Variants in KCNH8 observed in about 807,000 individuals in gnomAD.
The protein encoded by KCNH8 is voltage-gated delayed rectifier potassium channel KCNH8.
A neutral mutation model predicts 103.6 loss-of-function variants in KCNH8; 70 were observed. That is an observed-to-expected ratio of 0.68 (90% CI 0.56 to 0.82). The LOEUF is 0.82. Ranked by LOEUF, KCNH8 falls within the 40% of genes least tolerant of loss-of-function variation. The pLI is 0.00. For synonymous variants in KCNH8, 498 were observed against 489.4 expected, an observed-to-expected ratio of 1.02 and a Z score of -0.23; for missense variants, 1,217 against 1,329.9, an observed-to-expected ratio of 0.92 and a Z score of 1.32.
At chr3:19,523,107 C>G (rs1441030759) in intron 15 of KCNH8, among the ~76,000 whole-genome samples, 1 of 151,722 alleles carries the variant, frequency 6.6e-6, no homozygotes, top group Non-Finnish European at 1.5e-5. Context: ...GAAGACCATT[C>G]GTATCAACTT....
chr3:19,236,288 G>A (rs1014627758), intron 1 of KCNH8, among the ~76,000 whole-genome samples: 2 of 152,190 alleles, frequency 1.3e-5, no homozygotes, highest in Non-Finnish European at 2.9e-5. Flanking sequence ...CCGTGTGGGG[G>A]TGGGTACATG....
intron 5 of KCNH8, among the ~76,000 whole-genome samples, chr3:19,373,268 G>C (rs1421584909): frequency 1.3e-5 from 2 of 152,048 alleles, no homozygotes. Flanking sequence ...GTAAGCTATT[G>C]ATTATTGCCA....
At position 19,281,346 on chromosome 3, in the gene KCNH8, G is replaced by A. The variant is rs2064755064; in HGVS notation, c.442+17G>A. On this transcript the variant is annotated intron_variant, in intron 3 of 15. Coordinates refer to ENST00000328405, the MANE Select transcript of KCNH8 (RefSeq NM_144633.3). ...AAAAAGAAGGTTTGTACCGTTTTCA[G>A]AAAACATTGACAGATGGAGTAACAT... 3.2e-6 allele frequency: 5 copies of A among 1,574,212 alleles called. No homozygotes were observed. The highest frequency in any genetic ancestry group is 4.3e-6 in the Non-Finnish European group (5 of 1,165,482).
chr3:19,381,648 C>T (rs916918425), intron 5 of KCNH8, among the ~76,000 whole-genome samples: 3 of 150,982 alleles, frequency 2.0e-5, no homozygotes, highest in African/African-American at 7.3e-5. Flanking sequence ...TGTTATTAAT[C>T]ATAAGGAAAA....
chr3:19,267,652 A>C (rs2064531279), intron 2 of KCNH8, among the ~76,000 whole-genome samples: 1 of 152,074 alleles, frequency 6.6e-6, no homozygotes. Flanking sequence ...ACAATATCTA[A>C]TCTTGCCTGT....
intron 11 of KCNH8, among the ~76,000 whole-genome samples, chr3:19,464,475 T>C (rs929223489): frequency 6.6e-6 from 1 of 152,060 alleles, no homozygotes; most frequent in African/African-American, 2.4e-5. Context: ...GACCTTGGAA[T>C]AGCAAATATT....
At chr3:19,353,879 G>A (rs920807104) in intron 5 of KCNH8, among the ~76,000 whole-genome samples, 1 of 152,138 alleles carries the variant, frequency 6.6e-6, no homozygotes, top group Non-Finnish European at 1.5e-5. Flanking sequence ...GGAAGTTCTG[G>A]CCAGGGCAAT....
intron 1 of KCNH8, among the ~76,000 whole-genome samples, chr3:19,201,587 A>G (rs1299908404): frequency 3.3e-5 from 5 of 152,058 alleles, no homozygotes; most frequent in Non-Finnish European, 7.4e-5. Flanking sequence ...ACCAGCTGCT[A>G]TACAGCTCAA....
rs147966370 is a variant in KCNH8 at position 19,329,088 on chromosome 3, T to C, written c.443-13499T>C. 1.1e-3 allele frequency among the ~76,000 whole-genome samples: 164 copies of C among 152,294 alleles called. 2 individuals are homozygous for C. The highest frequency in any genetic ancestry group is 3.8e-3 in the African/African-American group (157 of 41,572). On this transcript the variant is annotated intron_variant, in intron 3 of 15. Coordinates refer to ENST00000328405, the MANE Select transcript of KCNH8 (RefSeq NM_144633.3). ...CAAAAGCAGAAGTCAGATAACATCT[T>C]CCTCATCTAGATAACCCCAATATTT...
At chr3:19,369,756 TTC>T (rs1267886374) in intron 5 of KCNH8, among the ~76,000 whole-genome samples, 1 of 151,944 alleles carries the variant, frequency 6.6e-6, no homozygotes, top group African/African-American at 2.4e-5. Flanking sequence ...CTTTACAGAT[TTC>T]TGTCTCTTCC....
At position 19,289,699 on chromosome 3, in the gene KCNH8, T is replaced by C. The variant is rs547989828; in HGVS notation, c.442+8370T>C. The stretch of plus-strand genomic sequence containing the variant: ...TTGGCTGGAGGATTCCAGCCAAATC[T>C]TTTGGCTTAGGATTGACTTGGCAAC... On this transcript the variant is annotated intron_variant, in intron 3 of 15. Transcript: ENST00000328405. Among the ~76,000 whole-genome samples, 989 of 152,278 alleles carry C rather than the reference T, an allele frequency of 6.5e-3. 9 individuals are homozygous for C. The highest frequency in any genetic ancestry group is 9.4e-3 in the Non-Finnish European group (639 of 68,036).
At chr3:19,438,603 G>T (rs539100416) in intron 8 of KCNH8, among the ~76,000 whole-genome samples, 1 of 152,128 alleles carries the variant, frequency 6.6e-6, no homozygotes, top group Non-Finnish European at 1.5e-5. Flanking sequence ...AGATTAACAC[G>T]TGGGGCTCCT....
At chr3:19,384,172 C>T (rs1457591005) in intron 5 of KCNH8, among the ~76,000 whole-genome samples, 1 of 152,134 alleles carries the variant, frequency 6.6e-6, no homozygotes, top group Non-Finnish European at 1.5e-5. Context: ...ATTAAAGATC[C>T]ACTGGTAGTG....
chr3:19,279,494 G>A (rs957698696), intron 2 of KCNH8, among the ~76,000 whole-genome samples: 1 of 151,778 alleles, frequency 6.6e-6, no homozygotes, highest in African/African-American at 2.4e-5. Flanking sequence ...CTAGAGCCTG[G>A]TAATGAGCTA....
intron 8 of KCNH8, among the ~76,000 whole-genome samples, chr3:19,446,945 C>T (rs531921757): frequency 6.6e-6 from 1 of 151,994 alleles, no homozygotes; most frequent in East Asian, 1.9e-4. Context: ...GAGGTTCCTT[C>T]CAAGACCTGA....
At chr3:19,234,506 A>T (rs566871242) in intron 1 of KCNH8, among the ~76,000 whole-genome samples, 1 of 152,170 alleles carries the variant, frequency 6.6e-6, no homozygotes, top group Admixed American at 6.5e-5. Context: ...TCACTGCCCC[A>T]GGCGGGTGGG....
At chr3:19,474,105 C>T (rs1209172675) in intron 11 of KCNH8, among the ~76,000 whole-genome samples, 3 of 152,120 alleles carry the variant, frequency 2.0e-5, no homozygotes, top group Non-Finnish European at 2.9e-5. Context: ...AACCAGTTAT[C>T]CCTTTAATCC....
chr3:19,438,435 C>A, intron 8 of KCNH8, 74 bp downstream of exon 8: 1 of 1,225,178 alleles, frequency 8.2e-7, no homozygotes, highest in South Asian at 1.4e-5. Flanking sequence ...TTTGTTCTGT[C>A]CTGAAATACA....
chr3:19,320,632 A>G (rs2065337691), intron 3 of KCNH8, among the ~76,000 whole-genome samples: 1 of 151,648 alleles, frequency 6.6e-6, no homozygotes, highest in Admixed American at 6.6e-5. Flanking sequence ...ATATCTGTCT[A>G]TAGCTTTCTT....
Sources: gnomAD v4.1 joint callset for allele counts (sites outside exome capture counted in the v4.1 genomes callset) on GRCh38, gnomAD v4.1.1 for gene constraint, MANE v1.5 for transcripts, NCBI Gene and HGNC (gene_info 2026-07-23, HGNC 2026-07-21) for gene names.